Variants in PARP8 observed in about 807,000 individuals in gnomAD.
PARP8 encodes poly(ADP-ribose) polymerase family member 8.
In PARP8, 51 loss-of-function variants were observed where a neutral mutation model predicts 124.1. The observed-to-expected ratio is 0.41, with a 90% CI of 0.33 to 0.52. The LOEUF is 0.52. Among genes scored for constraint, PARP8 ranks in the 20% least tolerant of loss-of-function variants. The pLI is 0.21. For missense variants in PARP8, 860 were observed against 1,018.9 expected, an observed-to-expected ratio of 0.84 and a Z score of 2.12; for synonymous variants, 391 against 361.5, an observed-to-expected ratio of 1.08 and a Z score of -0.93.
chr5:50,837,391 A>G (rs933496985), intron 25 of PARP8, among the ~76,000 whole-genome samples: 1 of 152,168 alleles, frequency 6.6e-6, no homozygotes, highest in Non-Finnish European at 1.5e-5. Flanking sequence ...ACAGAGTTCT[A>G]TTAGTAGTGA....
At chr5:50,740,811 T>C (rs1757966831) in intron 2 of PARP8, among the ~76,000 whole-genome samples, 1 of 131,900 alleles carries the variant, frequency 7.6e-6, no homozygotes, top group East Asian at 2.2e-4. Flanking sequence ...AGACCTTTTC[T>C]CAAAAGAAAA....
intron 15 of PARP8, 131 bp from the exon 16 acceptor site, chr5:50,821,082 T>G (rs1745713566): frequency 2.0e-6 from 2 of 1,024,548 alleles, no homozygotes; most frequent in Non-Finnish European, 2.9e-6. Flanking sequence ...AAGTCTTGCA[T>G]TACACATTTG....
chr5:50,822,956 T>C (rs1346486246), intron 17 of PARP8, among the ~76,000 whole-genome samples: 3 of 152,184 alleles, frequency 2.0e-5, no homozygotes, highest in African/African-American at 7.2e-5. Context: ...TGGGCTATAG[T>C]CCAGCATTTG....
In PARP8 at chr5:50,667,183, G is replaced by A. The variant is rs760693004; in HGVS notation, c.88G>A (p.Ala30Thr). 5 of 1,596,396 alleles carry A rather than the reference G, an allele frequency of 3.1e-6. No homozygotes were observed. Among genetic ancestry groups the A allele is most frequent in the African/African-American group, 2.7e-5 (2 of 74,958 alleles). The change falls in exon 1 of 26, where the codon GCA (alanine) becomes ACA (threonine). Residue 30 changes from alanine (A) to threonine (T), a missense_variant. Physicochemically the swap from Ala to Thr is moderately conservative, Grantham distance 58. Coordinates refer to ENST00000281631, the MANE Select transcript of PARP8 (RefSeq NM_024615.4). ...CAGAGCTGAGAAGGACTGCCTGTTT[G>A]CAGGTGAGTTCTTGCTTTTCCAGAA... ...KSRAEKDCLFADFRYSDSTFT... is the reference protein window; with the variant it reads ...KSRAEKDCLFTDFRYSDSTFT...
chr5:50,723,620 C>T (rs976481503), intron 2 of PARP8, among the ~76,000 whole-genome samples: 3 of 151,778 alleles, frequency 2.0e-5, no homozygotes, highest in Admixed American at 1.3e-4. Flanking sequence ...AACCTCTTAA[C>T]CTCTTTTTAC....
At chr5:50,779,157 G>A (rs1740371277) in intron 9 of PARP8, among the ~76,000 whole-genome samples, 2 of 151,810 alleles carry the variant, frequency 1.3e-5, no homozygotes, top group Admixed American at 1.3e-4. Context: ...TTGGTAAAAT[G>A]TTTTTTCCTA....
chr5:50,835,302 G>A (rs1747445219), intron 25 of PARP8, among the ~76,000 whole-genome samples: 1 of 152,290 alleles, frequency 6.6e-6, no homozygotes, highest in Non-Finnish European at 1.5e-5. Flanking sequence ...CAATACTTTG[G>A]GAAGCCGAGG....
intron 3 of PARP8, among the ~76,000 whole-genome samples, chr5:50,757,593 A>G (rs1334573425): frequency 6.6e-6 from 1 of 152,160 alleles, no homozygotes; most frequent in Non-Finnish European, 1.5e-5. Context: ...TCAAAATACA[A>G]ACTATACAAA....
At chr5:50,840,752 G>A (rs1435510134) in intron 25 of PARP8, among the ~76,000 whole-genome samples, 1 of 151,826 alleles carries the variant, frequency 6.6e-6, no homozygotes, top group African/African-American at 2.4e-5. Flanking sequence ...AAAAGTCATG[G>A]AGAATTAATC....
chr5:50,695,875 A>T (rs1308383106), intron 2 of PARP8, among the ~76,000 whole-genome samples: 1 of 152,202 alleles, frequency 6.6e-6, no homozygotes, highest in Non-Finnish European at 1.5e-5. Flanking sequence ...GGATGAATTC[A>T]AAATCATTCT....
intron 2 of PARP8, among the ~76,000 whole-genome samples, chr5:50,698,265 G>T (rs1753237006): frequency 6.6e-6 from 1 of 152,128 alleles, no homozygotes. Flanking sequence ...TTTTCTAATT[G>T]ATTTATGTGT....
chr5:50,673,731 G>A (rs956971063), intron 2 of PARP8, among the ~76,000 whole-genome samples: 2 of 152,232 alleles, frequency 1.3e-5, no homozygotes, highest in African/African-American at 2.4e-5. Context: ...GGTTGGCAAA[G>A]GTAGTGCCTG....
chr5:50,766,136 A>C (rs1761035924), intron 7 of PARP8, among the ~76,000 whole-genome samples: 1 of 152,196 alleles, frequency 6.6e-6, no homozygotes, highest in African/African-American at 2.4e-5. Context: ...GTGTAGAAAA[A>C]GTGAGTGATG....
chr5:50,697,695 C>T (rs184101429), intron 2 of PARP8, among the ~76,000 whole-genome samples: 13 of 152,174 alleles, frequency 8.5e-5, no homozygotes, highest in African/African-American at 2.2e-4. Context: ...TGTTTTGTAG[C>T]GGCAGGGTCT....
At chr5:50,717,957 C>T (rs1386518521) in intron 2 of PARP8, among the ~76,000 whole-genome samples, 2 of 151,394 alleles carry the variant, frequency 1.3e-5, no homozygotes, top group Non-Finnish European at 1.5e-5. Flanking sequence ...AAAATGGAAA[C>T]TAAAAAAATG....
chr5:50,725,180 A>G (rs1165328103), intron 2 of PARP8, among the ~76,000 whole-genome samples: 2 of 151,540 alleles, frequency 1.3e-5, no homozygotes, highest in East Asian at 1.9e-4. Flanking sequence ...CATGTTCTGT[A>G]TCCACTCATT....
intron 2 of PARP8, among the ~76,000 whole-genome samples, chr5:50,690,913 C>T (rs1171868180): frequency 6.6e-6 from 1 of 152,178 alleles, no homozygotes; most frequent in Non-Finnish European, 1.5e-5. Context: ...CTTCTCTACA[C>T]TTCTCAAATT....
At chr5:50,821,824 A>G (rs889337294) in intron 16 of PARP8, among the ~76,000 whole-genome samples, 1 of 152,226 alleles carries the variant, frequency 6.6e-6, no homozygotes, top group Non-Finnish European at 1.5e-5. Context: ...TTCTTGGAAG[A>G]ACTTTATTTC....
chr5:50,797,624 C>T (rs1253411831), intron 14 of PARP8, among the ~76,000 whole-genome samples: 1 of 152,136 alleles, frequency 6.6e-6, no homozygotes, highest in Non-Finnish European at 1.5e-5. Context: ...AGAGGAGAGT[C>T]TTGATCCTAT....
Sources: allele counts gnomAD v4.1 joint callset (sites outside exome capture counted in the v4.1 genomes callset), GRCh38; gene constraint gnomAD v4.1.1; transcripts MANE v1.5; gene names NCBI Gene and HGNC (gene_info 2026-07-23, HGNC 2026-07-21).